The following ZNF518A variants were observed in gnomAD, a reference collection of about 807,000 sequenced individuals.
ZNF518A encodes zinc finger protein 518A.
A neutral mutation model predicts 102.7 loss-of-function variants in ZNF518A; 47 were observed. The ratio of observed to expected loss-of-function variants is 0.46; its 90% CI spans 0.36 to 0.58. ZNF518A has a LOEUF of 0.58. ZNF518A is among the 20% of genes least tolerant of loss of function. The pLI is 0.00. For synonymous variants in ZNF518A, 652 were observed against 594.6 expected, an observed-to-expected ratio of 1.10 and a Z score of -1.40; for missense variants, 1,793 against 1,699.8, an observed-to-expected ratio of 1.05 and a Z score of -0.96.
At chr10:96,132,741 CTAAA>C (rs1486718134) in intron 2 of ZNF518A, 71 bp downstream of exon 2, 1 of 151,704 alleles carries the variant, frequency 6.6e-6, no homozygotes, top group African/African-American at 2.4e-5. Context: ...TAATATTGGA[CTAAA>C]TAAAGTAAAA....
At chr10:96,152,958 A>G (rs1228782992) in intron 3 of ZNF518A, among the ~76,000 whole-genome samples, 1 of 152,222 alleles carries the variant, frequency 6.6e-6, no homozygotes, top group African/African-American at 2.4e-5. Context: ...GACTGATGTG[A>G]TTATGGGGGC....
Position 96,200,243 on chromosome 10 carries a change from A to G in ZNF518A, n.36-3331A>G, listed in dbSNP as rs1273289727. 5 of 1,091,842 alleles carry G rather than the reference A, an allele frequency of 4.6e-6. No individual in the cohort carries two copies. Among genetic ancestry groups the G allele is most frequent in the Admixed American group, 1.8e-5 (1 of 54,332 alleles). 67.6% of individuals were successfully genotyped at this position (1,091,842 alleles called of 1,614,324 possible). On this transcript the variant is annotated intron_variant and non_coding_transcript_variant, in intron 1 of 2. Transcript: ENST00000442635. The surrounding 1 kb of genome is among the most constrained non-coding windows in gnomAD (Gnocchi z 4.3). ...GTACTAGAAACAAAGACCCATTTGCATTATCAAGACAGGCCTCTACATTTA... is the reference window on the plus strand; with the variant it reads ...GTACTAGAAACAAAGACCCATTTGCGTTATCAAGACAGGCCTCTACATTTA...
chr10:96,204,532 T>C, downstream of ZNF518A: 1 of 1,613,976 alleles, frequency 6.2e-7, no homozygotes, highest in Non-Finnish European at 8.5e-7. Flanking sequence ...GGATTCTTAC[T>C]TCTGGGCAGG....
In ZNF518A at chr10:96,158,545, A is replaced by C. The variant is rs782382236; in HGVS notation, c.2223A>C (p.Leu741Phe). The C allele has an allele frequency of 3.1e-6, 5 of 1,612,882 alleles. No individual in the cohort carries two copies. The Admixed American group carries it at 6.7e-5, about 22-fold the overall frequency. ...QNLYSNENQN[L>F]ECATEKSKWE... ...TGTACAGTAATGAAAATCAAAATTT[A>C]GAGTGTGCGACTGAAAAATCTAAAT... The change falls in exon 6 of 6, where the codon TTA becomes TTC. Residue 741 changes from leucine to phenylalanine, a missense_variant. Coordinates refer to ENST00000316045, the MANE Select transcript of ZNF518A (RefSeq NM_001330736.2).
chr10:96,188,487 T>C (rs1479671160), intron 1 of ZNF518A, among the ~76,000 whole-genome samples: 1 of 152,190 alleles, frequency 6.6e-6, no homozygotes, highest in South Asian at 2.1e-4. Context: ...GAGGTTGTTA[T>C]AGAGCCAGGG....
downstream of ZNF518A, among the ~76,000 whole-genome samples, chr10:96,165,470 CAA>C (rs35332637): frequency 0.13 from 14,049 of 112,296 alleles, 1,111 homozygotes; most frequent in African/African-American, 0.26. Context: ...CAACAACAAC[CAA>C]AAAAAAAAAA....
intron 1 of ZNF518A, among the ~76,000 whole-genome samples, chr10:96,179,751 C>T (rs2083227159): frequency 8.3e-6 from 1 of 120,066 alleles, no homozygotes; most frequent in Admixed American, 8.3e-5. Context: ...GAATCTTTTA[C>T]AATTCTTCTT....
rs2082899765 is a variant in ZNF518A at position 96,159,635 on chromosome 10, G to T, written c.3313G>T (p.Val1105Phe). Residue 1105 changes from valine to phenylalanine, a missense_variant, in exon 6 of 6, where the codon GTT becomes TTT. By Grantham distance (50) the Val-to-Phe change is conservative. Coordinates refer to ENST00000316045, the MANE Select transcript of ZNF518A (RefSeq NM_001330736.2). ...CTTCTTGCCTGATGGCAAACAAGCT[G>T]TTTTTTTAAAGTGTGTGATGCCAAA... Reference protein sequence around the residue: ...YTFLPDGKQAVFLKCVMPNKT... With the variant: ...YTFLPDGKQAFFLKCVMPNKT... 2 of 1,613,606 alleles carry T rather than the reference G, an allele frequency of 1.2e-6. No homozygotes were observed. Among genetic ancestry groups the T allele is most frequent in the South Asian group, 2.2e-5 (2 of 91,086 alleles).
In ZNF518A at chr10:96,200,929, T is replaced by C; in HGVS notation, n.36-2645T>C. On this transcript the variant is annotated intron_variant and non_coding_transcript_variant, in intron 1 of 2. Transcript: ENST00000442635. The surrounding 1 kb of genome is among the most constrained non-coding windows in gnomAD (Gnocchi z 4.3). Reference sequence around the variant, plus strand: ...TGTCTTCTTCTCAGAAGACATGCTCTTTCCTGCAGTTTCCTGGTAACAATT... The same window carrying C: ...TGTCTTCTTCTCAGAAGACATGCTCCTTCCTGCAGTTTCCTGGTAACAATT... The C allele has an allele frequency of 6.7e-7, 1 of 1,500,986 alleles. No individual in the cohort carries two copies. The highest frequency in any genetic ancestry group is 1.1e-5 in the South Asian group (1 of 88,852). 93.0% of individuals were successfully genotyped at this position (1,500,986 alleles called of 1,614,324 possible). A position where few individuals can be genotyped will look rare whatever the true frequency, so the allele number is the denominator to read the frequency against.
chr10:96,185,827 G>T (rs1262226355), intron 1 of ZNF518A, among the ~76,000 whole-genome samples: 5 of 152,208 alleles, frequency 3.3e-5, no homozygotes, highest in African/African-American at 1.2e-4. Context: ...GCCCCCAGGG[G>T]TGGAGTCTAC....
At chr10:96,204,262 C>T (rs1591303443), downstream of ZNF518A, 7 of 784,024 alleles carry the variant, frequency 8.9e-6, no homozygotes, top group Admixed American at 1.4e-4. Context: ...ATAAGTAAGA[C>T]TCTTCCTTTT....
chr10:96,166,271 T>G (rs2083139801), downstream of ZNF518A, among the ~76,000 whole-genome samples: 1 of 152,204 alleles, frequency 6.6e-6, no homozygotes, highest in Non-Finnish European at 1.5e-5. Flanking sequence ...GAAAACACCC[T>G]CACAGACACA....
intron 3 of ZNF518A, among the ~76,000 whole-genome samples, chr10:96,137,635 ATTTCT>A (rs1247931097): frequency 6.6e-6 from 1 of 152,114 alleles, no homozygotes; most frequent in African/African-American, 2.4e-5. Context: ...CTTATTGGTC[ATTTCT>A]TTTCTGTCTC....
At chr10:96,136,543 A>C (rs2081607614) in intron 3 of ZNF518A, among the ~76,000 whole-genome samples, 1 of 151,890 alleles carries the variant, frequency 6.6e-6, no homozygotes, top group African/African-American at 2.4e-5. Flanking sequence ...GTGGCTTTTT[A>C]ATGAGCTGGC....
Position 96,159,895 on chromosome 10 carries a change from T to C in ZNF518A, c.3573T>C (p.Asp1191=). 5 of 1,613,578 alleles carry C rather than the reference T, an allele frequency of 3.1e-6. No homozygotes were observed. Among genetic ancestry groups the C allele is most frequent in the Non-Finnish European group, 4.2e-6 (5 of 1,179,732 alleles). The change falls in exon 6 of 6, where the codon GAT becomes GAC. Residue 1191 remains aspartate (D), a synonymous_variant. Coordinates refer to ENST00000316045, the MANE Select transcript of ZNF518A (RefSeq NM_001330736.2). ...AGCAGAAAGAGCCAGAATCTAGAGA[T>C]GCCTTACCCTTCTTACTAGATGACT... is the stretch of plus-strand genomic sequence containing the variant. ...GGEQKEPESR[D]ALPFLLDDLM...
rs587669764 is a variant in ZNF518A, at chr10:96,159,990, G to A, written c.3668G>A (p.Cys1223Tyr). The change falls in exon 6 of 6, where the codon TGT (cysteine) becomes TAT (tyrosine). Residue 1223 changes from cysteine to tyrosine, a missense_variant. Cys to Tyr is a radical substitution (Grantham distance 194). Around this residue, in one of 3 missense-constraint regions of ZNF518A, gnomAD observed 1,741 missense variants for 1,622.6 expected, o/e 1.07. Transcript: ENST00000316045. ...TCPESSEEPI[C>Y]VSDCSESRVL... Reference sequence around the variant, plus strand: ...CCAGAATCTTCTGAGGAACCAATATGTGTCAGTGACTGTTCAGAGTCCAGG... The same window carrying A: ...CCAGAATCTTCTGAGGAACCAATATATGTCAGTGACTGTTCAGAGTCCAGG... 1.9e-6 allele frequency: 3 copies of A among 1,613,540 alleles called. No individual in the cohort carries two copies. The highest frequency in any genetic ancestry group is 3.3e-5 in the Admixed American group (2 of 59,996).
chr10:96,188,562 T>C (rs2083286118), intron 1 of ZNF518A, among the ~76,000 whole-genome samples: 1 of 152,156 alleles, frequency 6.6e-6, no homozygotes, highest in Non-Finnish European at 1.5e-5. Flanking sequence ...CGTGTAACAC[T>C]GAGGAAAACT....
At chr10:96,132,867 T>G (rs1554872687) in intron 2 of ZNF518A, 197 bp downstream of exon 2, 1 of 152,146 alleles carries the variant, frequency 6.6e-6, no homozygotes, top group Non-Finnish European at 1.5e-5. Flanking sequence ...AATTTTTGGA[T>G]TTGAGATGCT....
chr10:96,138,251 A>G (rs896406668), intron 3 of ZNF518A, among the ~76,000 whole-genome samples: 10 of 152,140 alleles, frequency 6.6e-5, no homozygotes, highest in Middle Eastern at 3.2e-3. Context: ...TCTGCCCACA[A>G]TGCTCCAGTA....
Sources: gnomAD v4.1 joint callset for allele counts (sites outside exome capture counted in the v4.1 genomes callset) on GRCh38, gnomAD v4.1.1 for gene constraint, gnomAD v4.1.1 regional missense constraint, Gnocchi (gnomAD v3.1) non-coding constraint, MANE v1.5 for transcripts, NCBI Gene and HGNC (gene_info 2026-07-23, HGNC 2026-07-21) for gene names.